Variants in HEATR5A observed in about 807,000 individuals in gnomAD.
HEATR5A encodes HEAT repeat-containing protein 5A.
HEATR5A carries 178 observed loss-of-function variants against 218.8 expected under a neutral mutation model. The observed-to-expected ratio is 0.81, with a 90% CI of 0.72 to 0.92. HEATR5A has a LOEUF of 0.92. HEATR5A is among the 40% of genes least tolerant of loss of function. The pLI, the probability that HEATR5A is intolerant of heterozygous loss-of-function variation, is 0.00. For missense variants in HEATR5A, 2,420 were observed against 2,418.9 expected, an observed-to-expected ratio of 1.00 and a Z score of -0.01; for synonymous variants, 864 against 871.6, an observed-to-expected ratio of 0.99 and a Z score of 0.15.
rs1051516715 is a variant in HEATR5A at position 31,304,425 on chromosome 14, C to CT, written c.5239+479dup. Among the ~76,000 whole-genome samples the CT allele has an allele frequency of 2.7e-3, 406 of 149,006 alleles. 6 individuals carry two copies. The highest frequency in any genetic ancestry group is 9.0e-3 in the African/African-American group (365 of 40,736). ...TGCTATCTCTATATTTTCACTCTCT[C>CT]TTTTTTTTTTAGACATAATTTCACT... On this transcript the variant is annotated intron_variant, in intron 32 of 35. Transcript: ENST00000543095.
At chr14:31,359,729 C>CAAAA (rs376157768) in intron 14 of HEATR5A, among the ~76,000 whole-genome samples, 1,013 of 32,220 alleles carry the variant, frequency 0.031, 37 homozygotes, top group African/African-American at 0.068. Flanking sequence ...CATCTCAAGA[C>CAAAA]AAAAAAAAAA....
At chr14:31,418,959 T>C (rs1479394292) in intron 1 of HEATR5A, among the ~76,000 whole-genome samples, 1 of 152,188 alleles carries the variant, frequency 6.6e-6, no homozygotes, top group African/African-American at 2.4e-5. Flanking sequence ...GATAATATAT[T>C]CATTAGTTTA....
At chr14:31,319,153 C>CT (rs1054189890) in intron 25 of HEATR5A, among the ~76,000 whole-genome samples, 4 of 151,776 alleles carry the variant, frequency 2.6e-5, no homozygotes, top group East Asian at 3.9e-4. Flanking sequence ...TATAATAGTT[C>CT]TTTTTTTTCT....
intron 1 of HEATR5A, among the ~76,000 whole-genome samples, chr14:31,407,301 T>C (rs2031104449): frequency 6.6e-6 from 1 of 152,062 alleles, no homozygotes; most frequent in South Asian, 2.1e-4. Context: ...TGTACACCAT[T>C]TGTGGATATA....
In HEATR5A at chr14:31,321,552, C is replaced by T. The variant is rs374494127; in HGVS notation, c.3916G>A (p.Val1306Ile). ...TGACCTGGAAACTCTGGTTCTGGAA[C>T]AGTTGCAAATCGCCGAATAACAACT... is the stretch of plus-strand genomic sequence containing the variant. ...LLVVIRRFAT[V>I]PEPEFPGHVI... The change falls in exon 25 of 36, where the codon GTT (valine) becomes ATT (isoleucine). Residue 1306 changes from valine (V) to isoleucine (I), a missense_variant. By Grantham distance (29) the Val-to-Ile change is conservative (BLOSUM62 3). Coordinates refer to ENST00000543095, the MANE Select transcript of HEATR5A (RefSeq NM_015473.4). The T allele has an allele frequency of 1.2e-5, 20 of 1,605,608 alleles. No homozygotes were observed. The highest frequency in any genetic ancestry group is 1.5e-5 in the Non-Finnish European group (18 of 1,176,052).
intron 16 of HEATR5A, among the ~76,000 whole-genome samples, chr14:31,355,994 G>C (rs114565278): frequency 6.6e-6 from 1 of 152,060 alleles, no homozygotes; most frequent in African/African-American, 2.4e-5. Flanking sequence ...TGAAATATTC[G>C]GTTGCTGTTT....
At chr14:31,304,266 A>G (rs952433681) in intron 32 of HEATR5A, among the ~76,000 whole-genome samples, 1 of 152,210 alleles carries the variant, frequency 6.6e-6, no homozygotes. Flanking sequence ...ACCAGATACA[A>G]TGACAAACTT....
At chr14:31,332,359 T>C (rs1330380659) in intron 22 of HEATR5A, among the ~76,000 whole-genome samples, 1 of 152,216 alleles carries the variant, frequency 6.6e-6, no homozygotes, top group African/African-American at 2.4e-5. Flanking sequence ...ATTCCCCATC[T>C]CTTTTATTCT....
At chr14:31,370,656 A>T (rs547288499) in intron 13 of HEATR5A, among the ~76,000 whole-genome samples, 1 of 152,370 alleles carries the variant, frequency 6.6e-6, no homozygotes, top group South Asian at 2.1e-4. Context: ...TAAGCTTTAA[A>T]AGCAGAAAAT....
At chr14:31,369,692 C>T (rs540164281) in intron 13 of HEATR5A, among the ~76,000 whole-genome samples, 17 of 148,134 alleles carry the variant, frequency 1.1e-4, no homozygotes, top group Non-Finnish European at 1.9e-4. Flanking sequence ...ATTTGGGAGG[C>T]CGAGGTGGGT....
chr14:31,380,775 C>CT (rs1457043281), intron 10 of HEATR5A, among the ~76,000 whole-genome samples, 197 bp from the exon 11 acceptor site: 2 of 152,184 alleles, frequency 1.3e-5, no homozygotes, highest in African/African-American at 4.8e-5. Flanking sequence ...AGGTTAAATA[C>CT]TGGTATATGA....
intron 1 of HEATR5A, among the ~76,000 whole-genome samples, chr14:31,404,799 C>T (rs112752729): frequency 0.01 from 1,520 of 151,684 alleles, 25 homozygotes; most frequent in African/African-American, 0.035. Flanking sequence ...CTGTAGTCCC[C>T]GCTACTTGTG....
chr14:31,349,699 G>A, intron 18 of HEATR5A, 90 bp downstream of exon 18: 2 of 783,538 alleles, frequency 2.6e-6, no homozygotes, highest in South Asian at 1.8e-5. Flanking sequence ...TTAAATCTCA[G>A]AATGAAGATC....
At chr14:31,387,039 G>A in intron 8 of HEATR5A, 81 bp downstream of exon 8, 1 of 1,333,264 alleles carries the variant, frequency 7.5e-7, no homozygotes, top group Non-Finnish European at 1.0e-6. Flanking sequence ...TATTAATATA[G>A]TATTATATAT....
At position 31,292,146 on chromosome 14, in the gene HEATR5A, A is replaced by C. The variant is rs1393588063; in HGVS notation, c.*1159T>G. On this transcript the variant is annotated 3_prime_UTR_variant, in exon 36 of 36. Coordinates refer to ENST00000543095, the MANE Select transcript of HEATR5A (RefSeq NM_015473.4). ...ATAATAAAATGTTTCCTGTTAAAAA[A>C]AATACTTGTATTCACCTGATGACCT... 6.6e-6 allele frequency: 1 copy of C among 152,232 alleles called. No homozygotes were observed. Among genetic ancestry groups the C allele is most frequent in the Admixed American group, 6.5e-5 (1 of 15,282 alleles). 9.4% of individuals were successfully genotyped at this position (152,232 alleles called of 1,614,324 possible).
chr14:31,312,675 A>G (rs2139150108), intron 28 of HEATR5A, among the ~76,000 whole-genome samples: 2 of 152,198 alleles, frequency 1.3e-5, no homozygotes, highest in Middle Eastern at 6.8e-3. Context: ...AGCTTCCCGA[A>G]CTGCTGGGAT....
chr14:31,318,652 A>G (rs1018874375), intron 25 of HEATR5A, among the ~76,000 whole-genome samples: 10 of 152,140 alleles, frequency 6.6e-5, no homozygotes, highest in Middle Eastern at 6.8e-3. Context: ...CACCGCAACC[A>G]GCTAATTTTG....
intron 30 of HEATR5A, 22 bp downstream of exon 30, chr14:31,307,871 A>T (rs1416922554): frequency 5.0e-6 from 8 of 1,603,516 alleles, no homozygotes; most frequent in African/African-American, 1.3e-5. Context: ...AAGCCTTACA[A>T]AAAAAACCCC....
chr14:31,321,568 AATAAC>A lies in HEATR5A; in HGVS notation c.3895_3899del (p.Val1299SerfsTer29). 1 of 1,607,686 alleles carries A rather than the reference AATAAC, an allele frequency of 6.2e-7. No homozygotes were observed. Among genetic ancestry groups the A allele is most frequent in the South Asian group, 1.1e-5 (1 of 89,432 alleles). On this transcript the variant is annotated frameshift_variant, in exon 25 of 36. Coordinates refer to ENST00000543095, the MANE Select transcript of HEATR5A (RefSeq NM_015473.4). LOFTEE classifies it high-confidence loss of function. ...GTTCTGGAACAGTTGCAAATCGCCG[AATAAC>A]AACTAACAGCATTTCAAGGCCAGAA...
Sources: allele counts gnomAD v4.1 joint callset (sites outside exome capture counted in the v4.1 genomes callset), GRCh38; gene constraint gnomAD v4.1.1; transcripts MANE v1.5; gene names NCBI Gene and HGNC (gene_info 2026-07-23, HGNC 2026-07-21).